MEIOB: variants seen among roughly 807,000 people sequenced by gnomAD.
The protein encoded by MEIOB is meiosis-specific with OB domain-containing protein.
In MEIOB, 50 loss-of-function variants were observed where a neutral mutation model predicts 53.1. That is an observed-to-expected ratio of 0.94 (90% CI 0.75 to 1.19). The LOEUF (loss-of-function observed/expected upper bound fraction) is 1.19. Among genes scored for constraint, MEIOB ranks in the 50% most tolerant of loss-of-function variants. The pLI is 0.00. For synonymous variants in MEIOB, 192 were observed against 182.5 expected, an observed-to-expected ratio of 1.05 and a Z score of -0.42; for missense variants, 551 against 550.8, an observed-to-expected ratio of 1.00 and a Z score of 0.00.
intron 6 of MEIOB, among the ~76,000 whole-genome samples, chr16:1,855,054 G>T (rs1242514380): frequency 6.6e-6 from 1 of 152,148 alleles, no homozygotes; most frequent in Non-Finnish European, 1.5e-5. Context: ...ATCTGGGGTT[G>T]GGAAGGTGGA....
At chr16:1,857,121 G>A (rs370197139) in intron 6 of MEIOB, among the ~76,000 whole-genome samples, 19 of 152,100 alleles carry the variant, frequency 1.2e-4, no homozygotes, top group African/African-American at 3.6e-4. Flanking sequence ...CTCAATCTCC[G>A]CCTTGTGGCT....
intron 5 of MEIOB, among the ~76,000 whole-genome samples, chr16:1,859,676 G>C (rs968443008): frequency 6.6e-6 from 1 of 152,202 alleles, no homozygotes; most frequent in Non-Finnish European, 1.5e-5. Context: ...CATAAGATGA[G>C]GTCAGAAAAG....
rs78268797 is a variant in MEIOB at position 1,868,093 on chromosome 16, T to C, written c.69+14A>G. ...TGTCATCAGTAAGCAAATCACCACA[T>C]TATTGAAACCTACCAGATTAGCCAT... On this transcript the variant is annotated intron_variant, in intron 2 of 13. Coordinates refer to ENST00000325962, the MANE Select transcript of MEIOB (RefSeq NM_001163560.3). 2 of 1,395,496 alleles carry C rather than the reference T, an allele frequency of 1.4e-6. No individual in the cohort carries two copies. The highest frequency in any genetic ancestry group is 2.6e-5 in the South Asian group (2 of 77,702). 86.4% of individuals were successfully genotyped at this position (1,395,496 alleles called of 1,614,324 possible). A position where few individuals can be genotyped will look rare whatever the true frequency, so the allele number is the denominator to read the frequency against.
chr16:1,858,801 C>T (rs117663476), intron 5 of MEIOB, among the ~76,000 whole-genome samples: 98 of 152,270 alleles, frequency 6.4e-4, no homozygotes, highest in Non-Finnish European at 9.8e-4. Context: ...AATAGTAAAA[C>T]ATCAGCAGTT....
chr16:1,841,636 C>T (rs775943281), intron 11 of MEIOB, among the ~76,000 whole-genome samples, 184 bp downstream of exon 11: 15 of 152,110 alleles, frequency 9.9e-5, no homozygotes, highest in Non-Finnish European at 1.6e-4. Context: ...TTTTAAAAGG[C>T]AATTATAATA....
At chr16:1,868,748 G>A (rs185360005) in intron 1 of MEIOB, among the ~76,000 whole-genome samples, 52 of 151,466 alleles carry the variant, frequency 3.4e-4, no homozygotes, top group African/African-American at 8.5e-4. Context: ...CCAGCTACTC[G>A]GGAGGCTGAG....
chr16:1,838,096 A>G, intron 12 of MEIOB: 1 of 716,826 alleles, frequency 1.4e-6, no homozygotes, highest in Non-Finnish European at 2.3e-6. Flanking sequence ...TCCCGGGGTC[A>G]AGCAATCCTC....
At chr16:1,865,912 A>T in intron 2 of MEIOB, 77 bp from the exon 3 acceptor site, 1 of 955,394 alleles carries the variant, frequency 1.0e-6, no homozygotes, top group Non-Finnish European at 1.6e-6. Context: ...TGGGCTTGTT[A>T]TACTTTACTG....
At chr16:1,862,209 A>G (rs1266412896) in intron 3 of MEIOB, 93 bp from the exon 4 acceptor site, 1 of 931,292 alleles carries the variant, frequency 1.1e-6, no homozygotes, top group Non-Finnish European at 1.6e-6. Context: ...TTTCATTTCA[A>G]TTATAAACAA....
At chr16:1,844,410 T>G (rs12599335) in intron 10 of MEIOB, among the ~76,000 whole-genome samples, 3 of 151,694 alleles carry the variant, frequency 2.0e-5, no homozygotes, top group Non-Finnish European at 4.4e-5. Context: ...AGGCGTGAGC[T>G]ACCACACCTG....
In MEIOB at chr16:1,841,533, C is replaced by A. The variant is rs376341080; in HGVS notation, c.1034+287G>T. On this transcript the variant is annotated intron_variant, in intron 11 of 13. Transcript: ENST00000325962. ...CTACATTGCTATAGGGCCTAGCAAC[C>A]AAAATAGCTTTCTGCCAAATCATTA... Among the ~76,000 whole-genome samples, 186 of 152,212 alleles carry A rather than the reference C, an allele frequency of 1.2e-3. 1 individual carries two copies. The highest frequency in any genetic ancestry group is 0.011 in the South Asian group (55 of 4,812).
At chr16:1,855,538 T>C (rs1899279055) in intron 6 of MEIOB, among the ~76,000 whole-genome samples, 2 of 151,952 alleles carry the variant, frequency 1.3e-5, no homozygotes, top group African/African-American at 2.4e-5. Context: ...ACATGAAAGG[T>C]TCCAGACTCA....
At chr16:1,834,507 C>T in intron 13 of MEIOB, 141 bp from the exon 14 acceptor site, 4 of 537,168 alleles carry the variant, frequency 7.4e-6, no homozygotes, top group Non-Finnish European at 1.3e-5. Flanking sequence ...TCCATTAGAG[C>T]TGTAAGATGA....
At chr16:1,856,420 C>T (rs1026133138) in intron 6 of MEIOB, among the ~76,000 whole-genome samples, 26 of 150,458 alleles carry the variant, frequency 1.7e-4, no homozygotes, top group African/African-American at 4.6e-4. Context: ...CCCGGGTTCA[C>T]GCCATTCTCC....
chr16:1,841,090 C>T (rs1239465706), intron 11 of MEIOB: 3 of 146,504 alleles, frequency 2.0e-5, no homozygotes, highest in Admixed American at 7.0e-5. Context: ...AATCTCGGCT[C>T]ACCGCGACCT....
At chr16:1,835,288 GAA>G (rs1230482644) in intron 13 of MEIOB, among the ~76,000 whole-genome samples, 2 of 151,886 alleles carry the variant, frequency 1.3e-5, no homozygotes, top group Non-Finnish European at 2.9e-5. Flanking sequence ...TATAACATAT[GAA>G]AAAGGGCTTA....
intron 13 of MEIOB, among the ~76,000 whole-genome samples, chr16:1,836,127 C>T (rs73490123): frequency 0.045 from 6,831 of 152,086 alleles, 479 homozygotes; most frequent in African/African-American, 0.14. Context: ...TCTTACTGGT[C>T]CCCTCATTAA....
At chr16:1,863,354 G>A (rs945138375) in intron 3 of MEIOB, among the ~76,000 whole-genome samples, 11 of 146,594 alleles carry the variant, frequency 7.5e-5, no homozygotes, top group East Asian at 2.0e-4. Context: ...GCTAATTTTT[G>A]TTTTTTGTTT....
intron 6 of MEIOB, among the ~76,000 whole-genome samples, chr16:1,855,108 G>A (rs1384073168): frequency 6.6e-6 from 1 of 152,230 alleles, no homozygotes; most frequent in African/African-American, 2.4e-5. Context: ...ACGCCAGTGG[G>A]GGTGAGAGGA....
Sources: allele counts gnomAD v4.1 joint callset (sites outside exome capture counted in the v4.1 genomes callset), GRCh38; gene constraint gnomAD v4.1.1; transcripts MANE v1.5; gene names NCBI Gene and HGNC (gene_info 2026-07-23, HGNC 2026-07-21).